SEMA5A: variants seen among roughly 807,000 people sequenced by gnomAD.
The protein encoded by SEMA5A is semaphorin-5A.
SEMA5A carries 55 observed loss-of-function variants against 135.5 expected under a neutral mutation model. The ratio of observed to expected loss-of-function variants is 0.41; its 90% CI spans 0.33 to 0.51. The LOEUF (loss-of-function observed/expected upper bound fraction) is 0.51. Among genes scored for constraint, SEMA5A ranks in the 20% least tolerant of loss-of-function variants. The probability of loss-of-function intolerance (pLI) is 0.37; values close to 1 mark genes in which losing one functional copy is unlikely to be tolerated. For missense variants in SEMA5A, 1,290 were observed against 1,419.9 expected (o/e 0.91, Z 1.47); for synonymous variants, 580 against 546.5 (o/e 1.06, Z -0.85).
intron 6 of SEMA5A, among the ~76,000 whole-genome samples, chr5:9,227,831 T>G (rs1359938247): frequency 6.6e-6 from 1 of 152,110 alleles, no homozygotes; most frequent in African/African-American, 2.4e-5. Context: ...ATTACAGGCG[T>G]GAGCCGCCAC....
chr5:9,098,649 A>C (rs1258770876), intron 16 of SEMA5A, among the ~76,000 whole-genome samples: 1 of 152,232 alleles, frequency 6.6e-6, no homozygotes, highest in Non-Finnish European at 1.5e-5. Flanking sequence ...CATCTGACTG[A>C]GCATTTGCTA....
chr5:9,385,785 T>G (rs1755858591), intron 2 of SEMA5A, among the ~76,000 whole-genome samples: 1 of 142,482 alleles, frequency 7.0e-6, no homozygotes, highest in Non-Finnish European at 1.5e-5. Context: ...GAGAAGGAGT[T>G]GGAAAGCGCT....
At chr5:9,340,086 A>G (rs560978082) in intron 3 of SEMA5A, among the ~76,000 whole-genome samples, 1 of 152,338 alleles carries the variant, frequency 6.6e-6, no homozygotes, top group South Asian at 2.1e-4. Flanking sequence ...ATTCAGGTGC[A>G]AGAATGGGAA....
At chr5:9,197,785 T>TGTGTGTGTGTGTGTGTGTATG (rs1561011433) in intron 9 of SEMA5A, among the ~76,000 whole-genome samples, 1 of 117,860 alleles carries the variant, frequency 8.5e-6, no homozygotes, top group African/African-American at 4.1e-5. Flanking sequence ...TGTGTGTGTG[T>TGTGTGTGTGTGTGTGTGTATG]TTTAACCCAG....
chr5:9,474,788 C>T lies in SEMA5A; in HGVS notation c.-174-36936G>A, dbSNP rs1392397612. 3.9e-5 allele frequency among the ~76,000 whole-genome samples: 6 copies of T among 152,148 alleles called. No individual in the cohort carries two copies. In the East Asian group the frequency reaches 5.8e-4, roughly 15 times the overall value. ...ACCTCTCCTGCCTCACCCCCTCGCC[C>T]GAGACACTCTGGCCATACCAGCTTA... On this transcript the variant is annotated intron_variant, in intron 1 of 22. Coordinates refer to ENST00000382496, the MANE Select transcript of SEMA5A (RefSeq NM_003966.3).
rs909144437 is a variant in SEMA5A at position 9,462,200 on chromosome 5, G to A, written c.-174-24348C>T. ...ACACTTTTTAAAAGAAGACATACAC[G>A]CAGCCAAAAAGCACATGAGAAAGAT... On this transcript the variant is annotated intron_variant, in intron 1 of 22. Transcript: ENST00000382496. Among the ~76,000 whole-genome samples the A allele has an allele frequency of 3.9e-5, 6 of 152,178 alleles. No homozygotes were observed. In the East Asian group the frequency reaches 7.7e-4, roughly 20 times the overall value.
chr5:9,162,984 C>T (rs1264774418), intron 11 of SEMA5A, among the ~76,000 whole-genome samples: 5 of 152,086 alleles, frequency 3.3e-5, no homozygotes, highest in East Asian at 1.9e-4. Context: ...TATAATGGTG[C>T]CTCAGTAATA....
chr5:9,128,002 CT>C (rs1215124688), intron 13 of SEMA5A, among the ~76,000 whole-genome samples: 2 of 152,220 alleles, frequency 1.3e-5, no homozygotes, highest in Non-Finnish European at 2.9e-5. Context: ...AAATAATCTC[CT>C]GTCCTGGAGG....
intron 1 of SEMA5A, among the ~76,000 whole-genome samples, chr5:9,508,700 C>T (rs974172633): frequency 1.3e-5 from 2 of 152,128 alleles, no homozygotes; most frequent in Admixed American, 6.5e-5. Flanking sequence ...TGCTTACCAC[C>T]GTCCTGCTCT....
chr5:9,333,309 G>A (rs776861759), intron 4 of SEMA5A, among the ~76,000 whole-genome samples: 3 of 152,172 alleles, frequency 2.0e-5, no homozygotes, highest in Admixed American at 1.3e-4. Flanking sequence ...TAGCACTGTA[G>A]GTCTTTATGC....
chr5:9,095,427 G>A (rs568573524), intron 16 of SEMA5A, among the ~76,000 whole-genome samples: 10 of 152,148 alleles, frequency 6.6e-5, no homozygotes, highest in African/African-American at 1.9e-4. Context: ...TATAGTAGCC[G>A]CTGTTGTGCC....
intron 18 of SEMA5A, among the ~76,000 whole-genome samples, chr5:9,054,750 C>T (rs920925290): frequency 7.2e-5 from 11 of 152,156 alleles, no homozygotes; most frequent in African/African-American, 2.7e-4. Flanking sequence ...TTATGGTTTA[C>T]TCCCTGACAG....
At chr5:9,253,707 T>C (rs983568512) in intron 5 of SEMA5A, among the ~76,000 whole-genome samples, 1 of 152,174 alleles carries the variant, frequency 6.6e-6, no homozygotes. Context: ...AAAATACAAA[T>C]GTAACTAGTC....
chr5:9,325,508 T>A (rs1752831052), intron 4 of SEMA5A, among the ~76,000 whole-genome samples: 1 of 152,020 alleles, frequency 6.6e-6, no homozygotes, highest in African/African-American at 2.4e-5. Context: ...AATAACTCAT[T>A]CCTGGGTCCC....
chr5:9,049,238 T>A (rs1244999664), intron 21 of SEMA5A, among the ~76,000 whole-genome samples: 1 of 152,164 alleles, frequency 6.6e-6, no homozygotes, highest in Non-Finnish European at 1.5e-5. Context: ...CTCAGCTCAC[T>A]GCAACCTCCA....
rs138765258 is a variant in SEMA5A at position 9,224,699 on chromosome 5, C to A, written c.621G>T (p.Ala207=). ...CATTGAGCCATTTGGAGTTGTACTG[C>A]GCCGTGCGGAGAGGAGGTAAAATGC... ...SLGILPPLRT[A]QYNSKWLNEP... Residue 207 remains alanine, a synonymous_variant, in exon 8 of 23, where the codon GCG becomes GCT. Transcript: ENST00000382496. 6.2e-7 allele frequency: 1 copy of A among 1,614,084 alleles called. No homozygotes were observed. The highest frequency in any genetic ancestry group is 8.5e-7 in the Non-Finnish European group (1 of 1,179,996).
chr5:9,159,846 T>C (rs1743153583), intron 11 of SEMA5A, among the ~76,000 whole-genome samples: 1 of 152,272 alleles, frequency 6.6e-6, no homozygotes, highest in South Asian at 2.1e-4. Context: ...ATGTGGTACA[T>C]ATACACCATG....
At chr5:9,415,989 G>A (rs1026626838) in intron 2 of SEMA5A, among the ~76,000 whole-genome samples, 1 of 152,102 alleles carries the variant, frequency 6.6e-6, no homozygotes, top group Admixed American at 6.5e-5. Flanking sequence ...CTTTAAAGTC[G>A]CACTCACTCA....
chr5:9,327,276 A>T (rs1752921408), intron 4 of SEMA5A, among the ~76,000 whole-genome samples: 1 of 152,204 alleles, frequency 6.6e-6, no homozygotes, highest in South Asian at 2.1e-4. Context: ...AATTTTCTCT[A>T]CCCTCCTCAA....
Sources: gnomAD v4.1 joint callset for allele counts (sites outside exome capture counted in the v4.1 genomes callset) on GRCh38, gnomAD v4.1.1 for gene constraint, MANE v1.5 for transcripts, NCBI Gene and HGNC (gene_info 2026-07-23, HGNC 2026-07-21) for gene names.